The following MUC12 variants were observed in gnomAD, a reference collection of about 807,000 sequenced individuals.
The protein encoded by MUC12 is mucin 12, cell surface associated, also known as mucin-12.
In MUC12, 172 loss-of-function variants were observed where a neutral mutation model predicts 230.8. That is an observed-to-expected ratio of 0.75 (90% CI 0.66 to 0.85). MUC12 has a LOEUF of 0.85. Among genes scored for constraint, MUC12 ranks in the 40% least tolerant of loss-of-function variants. The pLI is 0.00. For synonymous variants in MUC12, 1,259 were observed against 2,401.9 expected (o/e 0.52, Z 13.91); for missense variants, 3,506 against 5,920.6 (o/e 0.59, Z 13.38).
rs754419604 is a variant in MUC12 at position 100,991,031 on chromosome 7, G to A, written c.468G>A (p.Thr156=). ...SPDRTLSPAR[T]TSSGVSEKST... Reference sequence around the variant, plus strand: ...ACAGAACACTCTCACCTGCCCGCACGACAAGCTCAGGCGTCAGTGAAAAAT... The same window carrying A: ...ACAGAACACTCTCACCTGCCCGCACAACAAGCTCAGGCGTCAGTGAAAAAT... The change falls in exon 2 of 12, where the codon ACG becomes ACA. Residue 156 remains threonine, a synonymous_variant. Coordinates refer to ENST00000536621, the MANE Select transcript of MUC12 (RefSeq NM_001164462.2). 1.1e-5 allele frequency: 17 copies of A among 1,537,584 alleles called. No homozygotes were observed. The highest frequency in any genetic ancestry group is 4.8e-5 in the South Asian group (4 of 84,034).
At position 101,005,044 on chromosome 7, in the gene MUC12, C is replaced by T. The variant is rs1793718620; in HGVS notation, c.14481C>T (p.Ser4827=). The T allele has an allele frequency of 5.2e-6, 8 of 1,537,708 alleles. No individual in the cohort carries two copies. The highest frequency in any genetic ancestry group is 1.2e-5 in the South Asian group (1 of 84,066). The change falls in exon 2 of 12, where the codon AGC becomes AGT. Residue 4827 remains serine (S), a synonymous_variant. Transcript: ENST00000536621. ...CTCAAGAATTTACCACCCCTCATAG[C>T]CAACCAGGCTCAGCTCTGTCAACAG... ...SFAQEFTTPH[S]QPGSALSTVS... is the part of the protein sequence containing the mutation.
chr7:100,969,610 C>G lies in MUC12; in HGVS notation c.-13C>G. The stretch of plus-strand genomic sequence containing the variant: ...GAGAGAAGATGGGCAGCCAGGGGCC[C>G]GTTCCCCGGGAGATGCTGGTGATCT... On this transcript the variant is annotated 5_prime_UTR_variant, in exon 1 of 12. Coordinates refer to ENST00000536621, the MANE Select transcript of MUC12 (RefSeq NM_001164462.2). The G allele has an allele frequency of 6.5e-7, 1 of 1,537,436 alleles. No individual in the cohort carries two copies. Among genetic ancestry groups the G allele is most frequent in the Non-Finnish European group, 8.7e-7 (1 of 1,146,948 alleles).
At position 101,004,515 on chromosome 7, in the gene MUC12, T is replaced by C. The variant is rs1165674230; in HGVS notation, c.13952T>C (p.Leu4651Pro). The C allele has an allele frequency of 6.5e-7, 1 of 1,535,432 alleles. No homozygotes were observed. Among genetic ancestry groups the C allele is most frequent in the Admixed American group, 2.0e-5 (1 of 50,702 alleles). ...TCACCTCCTAGCACCACATCTGCCC[T>C]TGTTGAAGAACCTACCAGCTACCAC... ...ISSPPSTTSA[L>P]VEEPTSYHSS... Residue 4651 changes from leucine (L) to proline (P), a missense_variant, in exon 2 of 12, where the codon CTT (leucine) becomes CCT (proline). By Grantham distance (98) the Leu-to-Pro change is moderately conservative (BLOSUM62 -3). Transcript: ENST00000536621.
intron 10 of MUC12, chr7:101,017,371 T>A (rs2116368365): frequency 3.6e-6 from 2 of 551,048 alleles, no homozygotes; most frequent in African/African-American, 1.9e-5. Context: ...TCCCTCCTGT[T>A]CCGGGGTCCA....
intron 1 of MUC12, among the ~76,000 whole-genome samples, chr7:100,988,308 AAAAG>A (rs1306721560): frequency 2.7e-5 from 4 of 148,500 alleles, no homozygotes; most frequent in South Asian, 2.1e-4. Flanking sequence ...AAAAAAAAAA[AAAAG>A]AAAGAAAGAA....
At chr7:101,016,052 C>A (rs1793912376) in intron 10 of MUC12, among the ~76,000 whole-genome samples, 1 of 152,138 alleles carries the variant, frequency 6.6e-6, no homozygotes, top group Admixed American at 6.5e-5. Context: ...GTGAGACTGA[C>A]TCTTGAATAG....
rs1253032790 is a variant in MUC12 at position 101,002,829 on chromosome 7, C to G, written c.12266C>G (p.Thr4089Arg). ...CAGAGCTGGCCAAGCTCAAGTGACA[C>G]AACACCTTCACCTCCCAGCACCACA... ...TFQSWPSSSD[T>R]TPSPPSTTAV... is the part of the protein sequence containing the mutation. Residue 4089 changes from threonine to arginine, a missense_variant, in exon 2 of 12, where the codon ACA (threonine) becomes AGA (arginine). Physicochemically the swap from Thr to Arg is moderately conservative, Grantham distance 71 (BLOSUM62 -1). Coordinates refer to ENST00000536621, the MANE Select transcript of MUC12 (RefSeq NM_001164462.2). 8 of 1,072,388 alleles carry G rather than the reference C, an allele frequency of 7.5e-6. 2 individuals carry two copies. The Admixed American group carries it at 1.7e-4, about 22-fold the overall frequency. The allele number at this position is 1,072,388 out of a possible 1,614,324, so 66.4% of individuals were successfully genotyped here.
intron 1 of MUC12, among the ~76,000 whole-genome samples, chr7:100,982,811 C>T (rs573165447): frequency 6.6e-6 from 1 of 152,042 alleles, no homozygotes; most frequent in Non-Finnish European, 1.5e-5. Flanking sequence ...CTCACTGCAG[C>T]CTTGAGCTCC....
At chr7:100,973,179 C>T in intron 1 of MUC12, 1 of 612,286 alleles carries the variant, frequency 1.6e-6, no homozygotes, top group Non-Finnish European at 2.9e-6. Flanking sequence ...GAGAGGCACC[C>T]AAAGCTATCC....
intron 3 of MUC12, among the ~76,000 whole-genome samples, chr7:101,008,056 G>A (rs1283183550): frequency 6.6e-6 from 1 of 151,188 alleles, no homozygotes; most frequent in Non-Finnish European, 1.5e-5. Flanking sequence ...CACCCACCTC[G>A]GTCTCCCAAA....
chr7:100,995,890 C>T lies in MUC12; in HGVS notation c.5327C>T (p.Pro1776Leu), dbSNP rs780820730. 3.5e-6 allele frequency: 5 copies of T among 1,410,834 alleles called. No individual in the cohort carries two copies. The highest frequency in any genetic ancestry group is 2.1e-5 in the Admixed American group (1 of 47,142). The allele number at this position is 1,410,834 out of a possible 1,614,324, so 87.4% of individuals were successfully genotyped here. A position where few individuals can be genotyped will look rare whatever the true frequency, so the allele number is the denominator to read the frequency against. The change falls in exon 2 of 12, where the codon CCG (proline) becomes CTG (leucine). Residue 1776 changes from proline to leucine, a missense_variant. Coordinates refer to ENST00000536621, the MANE Select transcript of MUC12 (RefSeq NM_001164462.2). ...GAATCTACGGCGTACCACAGCAGCC[C>T]GGGCTCAACTCAAACAATGCACTTC... ...VEESTAYHSS[P>L]GSTQTMHFPE...
chr7:101,012,157 C>T, intron 5 of MUC12, 139 bp from the exon 6 acceptor site: 1 of 856,806 alleles, frequency 1.2e-6, no homozygotes, highest in Non-Finnish European at 1.7e-6. Flanking sequence ...TGGTTAGCTG[C>T]TGGAGGGAAG....
chr7:100,990,206 CCTCT>C (rs1373412912), intron 1 of MUC12, among the ~76,000 whole-genome samples: 1 of 152,198 alleles, frequency 6.6e-6, no homozygotes, highest in East Asian at 1.9e-4. Flanking sequence ...CTGAGCTCTG[CCTCT>C]TGTCGGATCA....
At chr7:100,974,375 C>T (rs1792979148) in intron 1 of MUC12, among the ~76,000 whole-genome samples, 1 of 121,534 alleles carries the variant, frequency 8.2e-6, no homozygotes, top group South Asian at 2.7e-4. Context: ...CTGCACACAT[C>T]CCCACCACCC....
chr7:100,972,110 T>C lies in MUC12; in HGVS notation c.67+2421T>C. 4 of 703,300 alleles carry C rather than the reference T, an allele frequency of 5.7e-6. No homozygotes were observed. The East Asian group carries it at 8.0e-5, about 14-fold the overall frequency. The allele number at this position is 703,300 out of a possible 1,614,324, so 43.6% of individuals were successfully genotyped here. ...TAGATCCAGAGACCCCCTGCCCTCCTCTTGCAGAGGGCTCTGCTGTTCACA... is the reference window on the plus strand; with the variant it reads ...TAGATCCAGAGACCCCCTGCCCTCCCCTTGCAGAGGGCTCTGCTGTTCACA... On this transcript the variant is annotated intron_variant, in intron 1 of 11. Transcript: ENST00000536621.
At position 100,991,606 on chromosome 7, in the gene MUC12, G is replaced by C. The variant is rs117387753; in HGVS notation, c.1043G>C (p.Arg348Pro). ...ACTGCAACAACACCCCCACCTGCCC[G>C]CTCCGCGACCTCAGGCCATGTTGAA... ...VATATTPPPA[R>P]SATSGHVEES... Residue 348 changes from arginine to proline, a missense_variant, in exon 2 of 12, where the codon CGC (arginine) becomes CCC (proline). Arg to Pro is a moderately radical substitution (Grantham distance 103). Coordinates refer to ENST00000536621, the MANE Select transcript of MUC12 (RefSeq NM_001164462.2). The C allele has an allele frequency of 1.3e-6, 2 of 1,536,820 alleles. No individual in the cohort carries two copies. The highest frequency in any genetic ancestry group is 2.4e-5 in the South Asian group (2 of 84,024).
At chr7:100,981,795 C>T (rs940015051) in intron 1 of MUC12, among the ~76,000 whole-genome samples, 11 of 152,036 alleles carry the variant, frequency 7.2e-5, no homozygotes, top group Non-Finnish European at 1.0e-4. Flanking sequence ...CATGTCACTG[C>T]CTTGGCCTCA....
chr7:100,994,412 T>A lies in MUC12; in HGVS notation c.3849T>A (p.Thr1283=). The A allele has an allele frequency of 2.7e-6, 2 of 747,042 alleles. No homozygotes were observed. The highest frequency in any genetic ancestry group is 3.6e-6 in the Non-Finnish European group (2 of 557,298). 46.3% of individuals were successfully genotyped at this position (747,042 alleles called of 1,614,324 possible). ...GTCCAAGCTCAACCGAAACAACAAC[T>A]TTACCTGGCAGTCCCACAACACCAA... ...RLSPSSTETT[T]LPGSPTTPSL... is the part of the protein sequence containing the mutation. Residue 1283 remains threonine (T), a synonymous_variant, in exon 2 of 12, where the codon ACT becomes ACA. Transcript: ENST00000536621.
intron 1 of MUC12, chr7:100,972,129 G>A (rs1165085857): frequency 2.8e-6 from 2 of 703,522 alleles, no homozygotes; most frequent in East Asian, 2.7e-5. Flanking sequence ...GGGCTCTGCT[G>A]TTCACAAAGC....
Sources: gnomAD v4.1 joint callset for allele counts (sites outside exome capture counted in the v4.1 genomes callset) on GRCh38, gnomAD v4.1.1 for gene constraint, MANE v1.5 for transcripts, NCBI Gene and HGNC (gene_info 2026-07-23, HGNC 2026-07-21) for gene names.